PLXNA4: variants seen among roughly 807,000 people sequenced by gnomAD.
PLXNA4 encodes the protein plexin-A4.
PLXNA4 carries 44 observed loss-of-function variants against 191.8 expected under a neutral mutation model. The observed-to-expected ratio is 0.23, with a 90% CI of 0.18 to 0.29. PLXNA4 has a LOEUF of 0.29. Among genes scored for constraint, PLXNA4 ranks in the 10% least tolerant of loss-of-function variants. PLXNA4 has a pLI of 1.00. For missense variants in PLXNA4, 1,800 were observed against 2,488.8 expected, an observed-to-expected ratio of 0.72 and a Z score of 5.89; for synonymous variants, 1,082 against 1,009.5, an observed-to-expected ratio of 1.07 and a Z score of -1.36.
chr7:132,644,010 T>C (rs888832970), intron 2 of PLXNA4, among the ~76,000 whole-genome samples: 3 of 152,132 alleles, frequency 2.0e-5, no homozygotes, highest in African/African-American at 7.2e-5. Flanking sequence ...TAAAAATAAG[T>C]ATTATTTTGT....
chr7:132,287,933 A>G (rs1584947827), intron 4 of PLXNA4, among the ~76,000 whole-genome samples: 1 of 152,090 alleles, frequency 6.6e-6, no homozygotes, highest in Admixed American at 6.6e-5. Context: ...GCACTGCTCC[A>G]CCACCCCATC....
chr7:132,508,101 G>C lies in PLXNA4; in HGVS notation c.593C>G (p.Thr198Ser). ...AVDGKPEYFP[T>S]ISSRKLTKNS... ...CTTGGTCAGTTTCCGGCTGGAGATGGTGGGAAAATACTCGGGCTTCCCATC... is the reference window on the plus strand; with the variant it reads ...CTTGGTCAGTTTCCGGCTGGAGATGCTGGGAAAATACTCGGGCTTCCCATC... Residue 198 changes from threonine to serine, a missense_variant, in exon 2 of 32, where the codon ACC becomes AGC. Thr to Ser is a moderately conservative substitution (Grantham distance 58). Around this residue, in one of 6 missense-constraint regions of PLXNA4, gnomAD observed 1,397 missense variants for 1,880.4 expected, o/e 0.74. Coordinates refer to ENST00000321063, the MANE Select transcript of PLXNA4 (RefSeq NM_020911.2). The surrounding 1 kb of genome is among the most constrained non-coding windows in gnomAD (Gnocchi z 4.4). The C allele has an allele frequency of 1.2e-6, 2 of 1,614,232 alleles. No individual in the cohort carries two copies. The highest frequency in any genetic ancestry group is 1.7e-6 in the Non-Finnish European group (2 of 1,180,050).
intron 3 of PLXNA4, among the ~76,000 whole-genome samples, chr7:132,411,477 C>T (rs1794458726): frequency 6.6e-6 from 1 of 152,106 alleles, no homozygotes; most frequent in South Asian, 2.1e-4. Context: ...TTTACTGACA[C>T]CAAAGAGCCC....
chr7:132,294,870 C>T (rs1384884654), intron 4 of PLXNA4, among the ~76,000 whole-genome samples: 1 of 152,196 alleles, frequency 6.6e-6, no homozygotes, highest in Non-Finnish European at 1.5e-5. Context: ...TGTGAGGACA[C>T]AGTGAGAAGG....
intron 3 of PLXNA4, among the ~76,000 whole-genome samples, chr7:132,427,816 G>C (rs776192414): frequency 1.3e-5 from 2 of 152,216 alleles, no homozygotes; most frequent in Non-Finnish European, 2.9e-5. Flanking sequence ...AGAATCCAAT[G>C]TGATCCTTCC....
Position 132,507,848 on chromosome 7 carries a change from C to T in PLXNA4, c.846G>A (p.Arg282=), listed in dbSNP as rs1314662721. The T allele has an allele frequency of 6.8e-6, 11 of 1,614,036 alleles. No individual in the cohort carries two copies. The highest frequency in any genetic ancestry group is 9.3e-6 in the Non-Finnish European group (11 of 1,180,028). Residue 282 remains arginine, a synonymous_variant, in exon 2 of 32, where the codon AGG becomes AGA. Transcript: ENST00000321063. The part of the protein sequence containing the change: ...KEQVYTSKLV[R]LCKEDTAFNS... Reference sequence around the variant, plus strand: ...TGAAGGCTGTGTCCTCCTTGCAAAGCCTCACGAGCTTGGATGTATACACCT... The same window carrying T: ...TGAAGGCTGTGTCCTCCTTGCAAAGTCTCACGAGCTTGGATGTATACACCT...
intron 2 of PLXNA4, among the ~76,000 whole-genome samples, chr7:132,604,419 T>C (rs971800904): frequency 1.3e-5 from 2 of 152,154 alleles, no homozygotes; most frequent in Non-Finnish European, 2.9e-5. Flanking sequence ...TTCTAATTCA[T>C]CTCTGCCCCT....
chr7:132,339,187 G>A (rs978399418), intron 3 of PLXNA4, among the ~76,000 whole-genome samples: 25 of 152,124 alleles, frequency 1.6e-4, no homozygotes, highest in African/African-American at 2.9e-4. Context: ...CTGAGACTCC[G>A]CAAAACATAA....
intron 3 of PLXNA4, among the ~76,000 whole-genome samples, chr7:132,382,723 A>G (rs779652970): frequency 3.3e-5 from 5 of 152,230 alleles, no homozygotes; most frequent in Non-Finnish European, 7.3e-5. Flanking sequence ...TTCAAAGACA[A>G]TGCTACTAAC....
At chr7:132,267,499 C>T (rs545249518) in intron 4 of PLXNA4, among the ~76,000 whole-genome samples, 11 of 152,238 alleles carry the variant, frequency 7.2e-5, no homozygotes, top group African/African-American at 2.6e-4. Flanking sequence ...ACACACATGC[C>T]CCAAATAGTC....
intron 3 of PLXNA4, among the ~76,000 whole-genome samples, chr7:132,318,593 C>T (rs895413822): frequency 2.8e-4 from 42 of 151,470 alleles, no homozygotes; most frequent in Admixed American, 3.3e-4. Flanking sequence ...CTGTGTTTAC[C>T]GGAAAACAGG....
At chr7:132,585,329 T>C (rs542946441) in intron 2 of PLXNA4, among the ~76,000 whole-genome samples, 3 of 152,134 alleles carry the variant, frequency 2.0e-5, no homozygotes, top group Non-Finnish European at 4.4e-5. Flanking sequence ...AACATTTAGA[T>C]AGCAACAGGT....
chr7:132,199,673 A>G (rs1797369354), intron 12 of PLXNA4, among the ~76,000 whole-genome samples: 1 of 151,750 alleles, frequency 6.6e-6, no homozygotes, highest in African/African-American at 2.4e-5. Context: ...AGCATATCCA[A>G]CTCTCCTCAA....
intron 1 of PLXNA4, among the ~76,000 whole-genome samples, chr7:132,566,136 T>A (rs762199276): frequency 6.6e-6 from 1 of 152,202 alleles, no homozygotes; most frequent in African/African-American, 2.4e-5. Flanking sequence ...TTAGCAACTG[T>A]TATTCACTCT....
intron 5 of PLXNA4, among the ~76,000 whole-genome samples, chr7:132,229,090 C>A (rs1277779741): frequency 6.6e-6 from 1 of 152,104 alleles, no homozygotes; most frequent in Non-Finnish European, 1.5e-5. Flanking sequence ...TCCTCTCCTG[C>A]CAAGTAGGAG....
At chr7:132,248,377 T>C (rs951856786) in intron 4 of PLXNA4, among the ~76,000 whole-genome samples, 1 of 152,188 alleles carries the variant, frequency 6.6e-6, no homozygotes, top group African/African-American at 2.4e-5. Flanking sequence ...GTCTATTGTA[T>C]GCAAGTGAGT....
Position 132,129,107 on chromosome 7 carries a change from C to T in PLXNA4, c.*1372G>A, listed in dbSNP as rs1046076100. The T allele has an allele frequency of 2.0e-5, 3 of 152,174 alleles. No homozygotes were observed. Among genetic ancestry groups the T allele is most frequent in the Admixed American group, 6.5e-5 (1 of 15,274 alleles). The allele number at this position is 152,174 out of a possible 1,614,324, so 9.4% of individuals were successfully genotyped here. ...CCAAGGCCAAGGTCATTTGTATGTC[C>T]CTCTTCTTAATTCCAGCCAGGCCCA... is the stretch of plus-strand genomic sequence containing the variant. On this transcript the variant is annotated 3_prime_UTR_variant, in exon 32 of 32. Transcript: ENST00000321063.
chr7:132,618,304 A>G (rs1803194349), intron 2 of PLXNA4, among the ~76,000 whole-genome samples: 1 of 152,096 alleles, frequency 6.6e-6, no homozygotes, highest in Admixed American at 6.6e-5. Context: ...CTATACTGTT[A>G]TTCTTCAGCA....
At chr7:132,371,584 G>A (rs1368698837) in intron 3 of PLXNA4, among the ~76,000 whole-genome samples, 2 of 152,152 alleles carry the variant, frequency 1.3e-5, no homozygotes, top group Non-Finnish European at 2.9e-5. Flanking sequence ...GGGGACTGAT[G>A]GCTAAAACCA....
Sources: allele counts gnomAD v4.1 joint callset (sites outside exome capture counted in the v4.1 genomes callset), GRCh38; gene constraint gnomAD v4.1.1; regional missense constraint gnomAD v4.1.1; non-coding constraint Gnocchi (gnomAD v3.1); transcripts MANE v1.5; gene names NCBI Gene and HGNC (gene_info 2026-07-23, HGNC 2026-07-21).